The following CWC27 variants were observed in gnomAD, a reference collection of about 807,000 sequenced individuals.
The protein encoded by CWC27 is CWC27 spliceosome associated cyclophilin.
A neutral mutation model predicts 63.6 loss-of-function variants in CWC27; 47 were observed. The observed-to-expected ratio is 0.74, with a 90% CI of 0.58 to 0.94. The LOEUF (loss-of-function observed/expected upper bound fraction) is 0.94, where lower values mean the gene tolerates loss of function less well. CWC27 is among the 40% of genes least tolerant of loss of function. The probability of loss-of-function intolerance (pLI) is 0.00; values close to 1 mark genes in which losing one functional copy is unlikely to be tolerated. For missense variants in CWC27, 495 were observed against 554.3 expected (o/e 0.89, Z 1.07); for synonymous variants, 175 against 179.8 (o/e 0.97, Z 0.22).
chr5:64,824,697 A>AC (rs1201634232), intron 10 of CWC27, among the ~76,000 whole-genome samples: 3 of 99,284 alleles, frequency 3.0e-5, no homozygotes, highest in African/African-American at 1.1e-4. Context: ...TCTAGAAGGC[A>AC]CCCCCCAGGG....
At chr5:65,009,682 G>T (rs912055942) in intron 13 of CWC27, among the ~76,000 whole-genome samples, 66 of 152,298 alleles carry the variant, frequency 4.3e-4, no homozygotes, top group African/African-American at 1.5e-3. Context: ...ACTGAGGAAA[G>T]CTCATGTAAG....
intron 11 of CWC27, among the ~76,000 whole-genome samples, chr5:64,891,220 TA>T (rs1035040123): frequency 2.4e-4 from 37 of 152,158 alleles, no homozygotes; most frequent in Non-Finnish European, 2.4e-4. Flanking sequence ...CCTAATTAGT[TA>T]AAAAAATTAA....
chr5:64,868,406 AAC>A (rs1746582713), intron 10 of CWC27, among the ~76,000 whole-genome samples: 1 of 152,128 alleles, frequency 6.6e-6, no homozygotes, highest in Non-Finnish European at 1.5e-5. Context: ...AATGTAAAGT[AAC>A]TAATTCTGTT....
intron 10 of CWC27, among the ~76,000 whole-genome samples, chr5:64,826,695 GT>G (rs750357983): frequency 4.2e-4 from 36 of 84,954 alleles, no homozygotes; most frequent in Middle Eastern, 4.8e-3. Context: ...TAACTTTGGT[GT>G]TTTTTTGTTT....
At chr5:64,866,681 T>A (rs181036670) in intron 10 of CWC27, among the ~76,000 whole-genome samples, 160 of 152,186 alleles carry the variant, frequency 1.1e-3, no homozygotes, top group African/African-American at 3.7e-3. Flanking sequence ...AGGAATATGT[T>A]GTTAATTTCC....
intron 11 of CWC27, among the ~76,000 whole-genome samples, chr5:64,959,558 G>T (rs1261899090): frequency 6.6e-6 from 1 of 152,158 alleles, no homozygotes; most frequent in Non-Finnish European, 1.5e-5. Context: ...GTGCCCAGTG[G>T]CCCTAATCAG....
intron 11 of CWC27, among the ~76,000 whole-genome samples, chr5:64,944,226 C>T (rs1489271320): frequency 6.6e-6 from 1 of 151,742 alleles, no homozygotes; most frequent in African/African-American, 2.4e-5. Flanking sequence ...CCTCTAACTA[C>T]TGTCCTTTAG....
rs138755572 is a variant in CWC27, at chr5:64,804,484, A to G, written c.938+98A>G. ...CTCTTCAGCTAATTTTTAAAATACT[A>G]TTTTCATAATGTTTGATAAACATAA... On this transcript the variant is annotated intron_variant, in intron 10 of 13. Coordinates refer to ENST00000381070, the MANE Select transcript of CWC27 (RefSeq NM_005869.4). 5.3e-5 allele frequency: 64 copies of G among 1,207,534 alleles called. No homozygotes were observed. In the East Asian group the frequency reaches 1.4e-3, roughly 26 times the overall value. The allele number at this position is 1,207,534 out of a possible 1,614,324, so 74.8% of individuals were successfully genotyped here. A position where few individuals can be genotyped will look rare whatever the true frequency, so the allele number is the denominator to read the frequency against.
Position 64,834,862 on chromosome 5 carries a change from T to C in CWC27, c.938+30476T>C, listed in dbSNP as rs116790103. ...TATTTGGTGAAGCAAGAATTGTTTC[T>C]AAAGATTGTCCTTGGATTCAGTTGT... On this transcript the variant is annotated intron_variant, in intron 10 of 13. Coordinates refer to ENST00000381070, the MANE Select transcript of CWC27 (RefSeq NM_005869.4). Among the ~76,000 whole-genome samples, 79 of 151,888 alleles carry C rather than the reference T, an allele frequency of 5.2e-4. 1 individual carries two copies. Among genetic ancestry groups the C allele is most frequent in the African/African-American group, 1.9e-3 (77 of 41,534 alleles).
chr5:64,800,549 A>G (rs1744453915), intron 8 of CWC27, among the ~76,000 whole-genome samples: 1 of 152,204 alleles, frequency 6.6e-6, no homozygotes, highest in Admixed American at 6.5e-5. Context: ...TGTTGAATGA[A>G]TTACATTTAA....
intron 13 of CWC27, among the ~76,000 whole-genome samples, chr5:64,994,516 TAA>T (rs1749594938): frequency 6.6e-6 from 1 of 152,244 alleles, no homozygotes; most frequent in Admixed American, 6.5e-5. Flanking sequence ...AATTTACATA[TAA>T]GACAGCACAC....
At chr5:64,858,527 CA>C (rs1746317867) in intron 10 of CWC27, among the ~76,000 whole-genome samples, 1 of 151,276 alleles carries the variant, frequency 6.6e-6, no homozygotes, top group Admixed American at 6.6e-5. Context: ...AAAATATTGA[CA>C]ACACATATAT....
At position 64,928,161 on chromosome 5, in the gene CWC27, A is replaced by G. The variant is rs111392309; in HGVS notation, c.1042+42615A>G. On this transcript the variant is annotated intron_variant, in intron 11 of 13. Transcript: ENST00000381070. ...TAAGAGTGAAACTCCTTCTCAAAAAAAAAAAAAAAGTCAACAGTCACCCAC... is the reference window on the plus strand; with the variant it reads ...TAAGAGTGAAACTCCTTCTCAAAAAGAAAAAAAAAGTCAACAGTCACCCAC... 4.8e-3 allele frequency among the ~76,000 whole-genome samples: 731 copies of G among 152,180 alleles called. 4 individuals are homozygous for G. Among genetic ancestry groups the G allele is most frequent in the African/African-American group, 0.017 (689 of 41,506 alleles).
chr5:64,852,460 T>A (rs1414194496), intron 10 of CWC27, among the ~76,000 whole-genome samples: 1 of 150,670 alleles, frequency 6.6e-6, no homozygotes, highest in Admixed American at 6.6e-5. Context: ...CAGAGTCAGA[T>A]GCTTAAAGGA....
chr5:64,827,103 C>G (rs1745383182), intron 10 of CWC27, among the ~76,000 whole-genome samples: 1 of 152,086 alleles, frequency 6.6e-6, no homozygotes, highest in African/African-American at 2.4e-5. Context: ...GTCTTCGCAT[C>G]CTTTCCTTAG....
chr5:64,789,268 G>A (rs1416812234), intron 7 of CWC27, among the ~76,000 whole-genome samples: 1 of 151,912 alleles, frequency 6.6e-6, no homozygotes, highest in African/African-American at 2.4e-5. Flanking sequence ...TTTTTGAATG[G>A]TTGGACTTTA....
At chr5:64,857,467 A>G (rs1486555379) in intron 10 of CWC27, among the ~76,000 whole-genome samples, 1 of 152,236 alleles carries the variant, frequency 6.6e-6, no homozygotes, top group African/African-American at 2.4e-5. Context: ...TGGAGGGCAT[A>G]TCGAGTAGGC....
At chr5:64,824,629 G>GTCTTCTAATCCTTA (rs1395938034) in intron 10 of CWC27, among the ~76,000 whole-genome samples, 2 of 151,280 alleles carry the variant, frequency 1.3e-5, no homozygotes, top group Non-Finnish European at 2.9e-5. Context: ...CAGTCCTAAG[G>GTCTTCTAATCCTTA]GTACCTTCTT....
intron 7 of CWC27, among the ~76,000 whole-genome samples, chr5:64,793,809 C>A (rs778335149): frequency 1.1e-4 from 16 of 152,088 alleles, no homozygotes; most frequent in Admixed American, 2.6e-4. Context: ...TATTCCAGAA[C>A]CTTTCTGCCC....
Sources: gnomAD v4.1 joint callset for allele counts (sites outside exome capture counted in the v4.1 genomes callset) on GRCh38, gnomAD v4.1.1 for gene constraint, MANE v1.5 for transcripts, NCBI Gene and HGNC (gene_info 2026-07-23, HGNC 2026-07-21) for gene names.